Variants in NUDT1 observed in about 807,000 individuals in gnomAD.
NUDT1 encodes the protein nudix hydrolase 1.
Under a neutral mutation model 11.3 loss-of-function variants are expected in NUDT1, and 16 were observed. That is an observed-to-expected ratio of 1.41 (90% CI 0.96 to 2.15). The LOEUF (loss-of-function observed/expected upper bound fraction) is 2.15, where lower values mean the gene tolerates loss of function less well. NUDT1 is among the 30% of genes most tolerant of loss of function. NUDT1 has a pLI of 0.00. For synonymous variants in NUDT1, 101 were observed against 84.4 expected (o/e 1.20, Z -1.08); for missense variants, 234 against 208.4 (o/e 1.12, Z -0.76).
chr7:2,243,023 AG>A (rs1472951920), intron 1 of NUDT1: 1 of 717,082 alleles, frequency 1.4e-6, no homozygotes, highest in Admixed American at 2.0e-5. Context: ...CAGATGGGGG[AG>A]CCAGAAGGCA....
intron 1 of NUDT1, 34 bp downstream of exon 1, chr7:2,242,290 G>T: frequency 1.0e-6 from 1 of 994,032 alleles, no homozygotes; most frequent in Non-Finnish European, 1.4e-6. Flanking sequence ...TCCAGGAGTC[G>T]TGGTGACCAG....
intron 1 of NUDT1, chr7:2,242,550 G>C (rs1370258100): frequency 1.1e-5 from 4 of 363,822 alleles, no homozygotes; most frequent in Non-Finnish European, 2.0e-5. Flanking sequence ...GATCAGTGTC[G>C]GGACAAAGTA....
In NUDT1 at chr7:2,244,426, G is replaced by C. The variant is rs1274303867; in HGVS notation, c.-12-137G>C. The C allele has an allele frequency of 3.6e-6, 3 of 831,314 alleles. No individual in the cohort carries two copies. In the East Asian group the frequency reaches 8.0e-5, roughly 22 times the overall value. 51.5% of individuals were successfully genotyped at this position (831,314 alleles called of 1,614,324 possible). A position where few individuals can be genotyped will look rare whatever the true frequency, so the allele number is the denominator to read the frequency against. ...CCACCTGCCACAAGGGAAGCCACAC[G>C]TGGCAGGGCTGGGGAGTTACAGCAT... On this transcript the variant is annotated intron_variant, in intron 1 of 3. Coordinates refer to ENST00000356714, the MANE Select transcript of NUDT1 (RefSeq NM_002452.4).
intron 2 of NUDT1, among the ~76,000 whole-genome samples, chr7:2,245,837 CT>C (rs368680651): frequency 6.8e-4 from 99 of 146,182 alleles, no homozygotes; most frequent in East Asian, 1.2e-3. Flanking sequence ...TGGCTTGACC[CT>C]TTTTTTTTTT....
chr7:2,248,090 A>T (rs1794838893), intron 2 of NUDT1: 1 of 152,340 alleles, frequency 6.6e-6, no homozygotes, highest in Non-Finnish European at 1.5e-5. Context: ...ATGGTGGCTC[A>T]CACCTGAAAT....
At chr7:2,246,929 T>TAAAG (rs1040460416) in intron 2 of NUDT1, among the ~76,000 whole-genome samples, 3 of 151,974 alleles carry the variant, frequency 2.0e-5, no homozygotes, top group Admixed American at 6.5e-5. Context: ...GACCCTGTCT[T>TAAAG]AAAGAAAGAA....
chr7:2,250,602 C>T (rs966455263), intron 3 of NUDT1, among the ~76,000 whole-genome samples: 46 of 151,892 alleles, frequency 3.0e-4, no homozygotes, highest in East Asian at 2.9e-3. Flanking sequence ...GGACTACAGG[C>T]GCCCGCCACC....
intron 3 of NUDT1, among the ~76,000 whole-genome samples, chr7:2,250,268 G>A (rs6962576): frequency 0.64 from 97,031 of 151,716 alleles, 31,786 homozygotes; most frequent in East Asian, 0.74. Flanking sequence ...GGTTCCTCAC[G>A]ATCACTCAGT....
chr7:2,244,233 T>G (rs900031024), intron 1 of NUDT1, among the ~76,000 whole-genome samples: 3 of 152,000 alleles, frequency 2.0e-5, no homozygotes, highest in Non-Finnish European at 4.4e-5. Context: ...TTCCTGGGGG[T>G]AGACGCAGGA....
At chr7:2,242,863 T>C in intron 1 of NUDT1, 1 of 690,700 alleles carries the variant, frequency 1.4e-6, no homozygotes, top group Non-Finnish European at 2.6e-6. Context: ...AGGTGGCTTG[T>C]GTTAGTCAGC....
intron 1 of NUDT1, among the ~76,000 whole-genome samples, chr7:2,243,693 A>G (rs1169749060): frequency 6.6e-6 from 1 of 152,252 alleles, no homozygotes; most frequent in Non-Finnish European, 1.5e-5. Context: ...GGATGGCTTC[A>G]GCCAGGGAGG....
chr7:2,242,350 T>C, intron 1 of NUDT1, 94 bp downstream of exon 1: 1 of 571,706 alleles, frequency 1.7e-6, no homozygotes, highest in South Asian at 2.2e-5. Flanking sequence ...AGCTGAGCCA[T>C]GGGCTTGGGG....
At chr7:2,244,796 C>T (rs1794707887) in intron 2 of NUDT1, 70 bp downstream of exon 2, 1 of 1,544,648 alleles carries the variant, frequency 6.5e-7, no homozygotes. Flanking sequence ...TGTAGGGCCA[C>T]ACCCTTGGTT....
chr7:2,249,638 C>T, intron 2 of NUDT1: 1 of 613,316 alleles, frequency 1.6e-6, no homozygotes, highest in Non-Finnish European at 2.9e-6. Flanking sequence ...TCCCCAGAGC[C>T]TCTCAACCAA....
rs976057725 is a variant in NUDT1, at chr7:2,251,082, G to A, written c.*81G>A. ...CATCTTCACCTGGGGGCATTGAGTGGCGCAGAGCCGGGTTTCATCTGGAAT... is the reference window on the plus strand; with the variant it reads ...CATCTTCACCTGGGGGCATTGAGTGACGCAGAGCCGGGTTTCATCTGGAAT... On this transcript the variant is annotated 3_prime_UTR_variant, in exon 4 of 4. Transcript: ENST00000356714. 4 of 1,425,306 alleles carry A rather than the reference G, an allele frequency of 2.8e-6. No homozygotes were observed. The highest frequency in any genetic ancestry group is 3.9e-6 in the Non-Finnish European group (4 of 1,013,794). The allele number at this position is 1,425,306 out of a possible 1,614,324, so 88.3% of individuals were successfully genotyped here.
chr7:2,248,484 AATGTCAT>A, intron 2 of NUDT1, among the ~76,000 whole-genome samples: 1 of 151,378 alleles, frequency 6.6e-6, no homozygotes, highest in Non-Finnish European at 1.5e-5. Context: ...TGAGGTGTGG[AATGTCAT>A]GCACTCCTCC....
At chr7:2,245,837 C>CTT (rs368680651) in intron 2 of NUDT1, among the ~76,000 whole-genome samples, 6 of 146,338 alleles carry the variant, frequency 4.1e-5, no homozygotes, top group Non-Finnish European at 6.0e-5. Context: ...TGGCTTGACC[C>CTT]TTTTTTTTTT....
At chr7:2,244,358 TTC>T in intron 1 of NUDT1, 1 of 516,572 alleles carries the variant, frequency 1.9e-6, no homozygotes, top group Non-Finnish European at 3.4e-6. Context: ...GACCACTGGG[TTC>T]TGTTTCTACC....
Position 2,251,025 on chromosome 7 carries a change from G to A in NUDT1, c.*24G>A, listed in dbSNP as rs759429398. ...AGCGGGAGCCCAGGGCAGCCCCTGG[G>A]CAGGAGACGTGGCTGCTGAACAGCC... On this transcript the variant is annotated 3_prime_UTR_variant, in exon 4 of 4. Transcript: ENST00000356714. The A allele has an allele frequency of 9.9e-6, 16 of 1,612,922 alleles. No homozygotes were observed. The South Asian group carries it at 1.2e-4, about 12-fold the overall frequency.
Sources: gnomAD v4.1 joint callset for allele counts (sites outside exome capture counted in the v4.1 genomes callset) on GRCh38, gnomAD v4.1.1 for gene constraint, MANE v1.5 for transcripts, NCBI Gene and HGNC (gene_info 2026-07-23, HGNC 2026-07-21) for gene names.